The following NWD2 variants were observed in gnomAD, a reference collection of about 807,000 sequenced individuals.
NWD2 encodes the protein NACHT and WD repeat domain-containing protein 2.
Under a neutral mutation model 132.7 loss-of-function variants are expected in NWD2, and 37 were observed. The observed-to-expected ratio is 0.28, with a 90% CI of 0.21 to 0.37. The LOEUF is 0.37. Ranked by LOEUF, NWD2 falls within the 10% of genes least tolerant of loss-of-function variation. The pLI is 1.00. For missense variants in NWD2, 1,592 were observed against 2,122.4 expected (o/e 0.75, Z 4.91); for synonymous variants, 705 against 803.0 (o/e 0.88, Z 2.06).
intron 1 of NWD2, among the ~76,000 whole-genome samples, chr4:37,319,774 A>G (rs1460816249): frequency 6.6e-6 from 1 of 152,178 alleles, no homozygotes; most frequent in East Asian, 1.9e-4. Context: ...GTTGAAGATC[A>G]GATATCTGTA....
intron 1 of NWD2, among the ~76,000 whole-genome samples, chr4:37,312,818 T>C (rs1405114450): frequency 3.3e-5 from 5 of 151,236 alleles, no homozygotes; most frequent in Non-Finnish European, 7.3e-5. Flanking sequence ...ATACCTAACT[T>C]ATTGAGAGTT....
At chr4:37,306,339 A>G (rs1718707823) in intron 1 of NWD2, among the ~76,000 whole-genome samples, 1 of 151,702 alleles carries the variant, frequency 6.6e-6, no homozygotes, top group Non-Finnish European at 1.5e-5. Context: ...TCTGATCTTT[A>G]TTATTTCCTT....
Position 37,312,474 on chromosome 4 carries a change from G to A in NWD2, c.152-13462G>A, listed in dbSNP as rs552458512. 2.0e-3 allele frequency among the ~76,000 whole-genome samples: 296 copies of A among 151,122 alleles called. 18 individuals are homozygous for A. Among genetic ancestry groups the A allele is most frequent in the African/African-American group, 7.1e-3 (288 of 40,450 alleles). On this transcript the variant is annotated intron_variant, in intron 1 of 6. Transcript: ENST00000309447. ...GGAATGCTTGTGATTTTTATACATC[G>A]ATTTTGTATCCTGAGACTTTGCTGA...
At chr4:37,415,873 G>A (rs1247938807) in intron 3 of NWD2, among the ~76,000 whole-genome samples, 2 of 152,116 alleles carry the variant, frequency 1.3e-5, no homozygotes. Context: ...CACTTACTGA[G>A]CCAGCTTTCC....
At chr4:37,300,765 C>G (rs984782813) in intron 1 of NWD2, among the ~76,000 whole-genome samples, 9 of 152,072 alleles carry the variant, frequency 5.9e-5, no homozygotes, top group African/African-American at 2.2e-4. Context: ...TAAAAATACT[C>G]AAAATATTAT....
chr4:37,382,171 G>A (rs1488273542), intron 3 of NWD2, among the ~76,000 whole-genome samples: 3 of 152,144 alleles, frequency 2.0e-5, no homozygotes, highest in Non-Finnish European at 4.4e-5. Context: ...CTTGTATTTC[G>A]CAAATCCACA....
intron 6 of NWD2, among the ~76,000 whole-genome samples, chr4:37,440,460 A>G (rs1465641692): frequency 6.6e-6 from 1 of 152,100 alleles, no homozygotes; most frequent in African/African-American, 2.4e-5. Context: ...CTCAGCCTTC[A>G]TGGTTTCCAG....
At chr4:37,308,470 G>C (rs1718757591) in intron 1 of NWD2, among the ~76,000 whole-genome samples, 1 of 152,212 alleles carries the variant, frequency 6.6e-6, no homozygotes, top group Admixed American at 6.5e-5. Context: ...GGGAGCACTT[G>C]GAGGGGTATG....
chr4:37,269,769 G>A (rs1247496565), intron 1 of NWD2, among the ~76,000 whole-genome samples: 2 of 151,800 alleles, frequency 1.3e-5, no homozygotes, highest in Non-Finnish European at 2.9e-5. Context: ...CTTTTTGATG[G>A]ACATTTAGGT....
chr4:37,333,333 G>GT (rs1251638195), intron 2 of NWD2, among the ~76,000 whole-genome samples: 1 of 152,170 alleles, frequency 6.6e-6, no homozygotes, highest in African/African-American at 2.4e-5. Flanking sequence ...AGTCCCAGTG[G>GT]TGGTCATAAG....
At chr4:37,257,797 A>G (rs1464202808) in intron 1 of NWD2, among the ~76,000 whole-genome samples, 1 of 152,196 alleles carries the variant, frequency 6.6e-6, no homozygotes, top group Non-Finnish European at 1.5e-5. Context: ...ATAAAATATT[A>G]AGTTAATAAG....
chr4:37,297,998 T>C (rs1315162287), intron 1 of NWD2, among the ~76,000 whole-genome samples: 1 of 152,106 alleles, frequency 6.6e-6, no homozygotes, highest in Non-Finnish European at 1.5e-5. Context: ...TCTTGGCCAC[T>C]GCAACACGCC....
At chr4:37,304,166 C>G (rs940543598) in intron 1 of NWD2, among the ~76,000 whole-genome samples, 2 of 152,172 alleles carry the variant, frequency 1.3e-5, no homozygotes, top group African/African-American at 4.8e-5. Flanking sequence ...AAAGCAGGCA[C>G]TTCATACATG....
chr4:37,326,975 G>C (rs1400923989), intron 2 of NWD2, among the ~76,000 whole-genome samples: 1 of 152,124 alleles, frequency 6.6e-6, no homozygotes, highest in East Asian at 1.9e-4. Context: ...TTTGCCACCA[G>C]ACCATGATGA....
chr4:37,326,048 C>T (rs1035983855), intron 2 of NWD2, 24 bp downstream of exon 2: 2 of 1,366,190 alleles, frequency 1.5e-6, no homozygotes, highest in Non-Finnish European at 2.0e-6. Context: ...TAATTTCATT[C>T]ACAGTTATGT....
At chr4:37,320,949 G>A (rs1719055869) in intron 1 of NWD2, among the ~76,000 whole-genome samples, 1 of 152,118 alleles carries the variant, frequency 6.6e-6, no homozygotes, top group South Asian at 2.1e-4. Context: ...CATGAGGTCA[G>A]CAGTTCGAGA....
intron 6 of NWD2, among the ~76,000 whole-genome samples, chr4:37,441,677 A>G (rs182443832): frequency 2.0e-5 from 3 of 152,252 alleles, no homozygotes; most frequent in East Asian, 3.9e-4. Context: ...GAGTCTGTCT[A>G]TTGACTATCC....
chr4:37,314,279 G>C (rs1295143853), intron 1 of NWD2, among the ~76,000 whole-genome samples: 1 of 152,030 alleles, frequency 6.6e-6, no homozygotes, highest in Non-Finnish European at 1.5e-5. Context: ...TTTGATGTCT[G>C]TCTGGTTTTG....
chr4:37,270,383 A>G (rs1717843398), intron 1 of NWD2, among the ~76,000 whole-genome samples: 1 of 151,840 alleles, frequency 6.6e-6, no homozygotes, highest in South Asian at 2.1e-4. Flanking sequence ...GCTATTCTCT[A>G]TTCGAAAAAA....
Sources: allele counts gnomAD v4.1 joint callset (sites outside exome capture counted in the v4.1 genomes callset), GRCh38; gene constraint gnomAD v4.1.1; transcripts MANE v1.5; gene names NCBI Gene and HGNC (gene_info 2026-07-23, HGNC 2026-07-21).